The following ADGRB3 variants were observed in gnomAD, a reference collection of about 807,000 sequenced individuals.
ADGRB3 encodes the protein adhesion G protein-coupled receptor B3.
Under a neutral mutation model 193.4 loss-of-function variants are expected in ADGRB3, and 37 were observed. That is an observed-to-expected ratio of 0.19 (90% CI 0.15 to 0.25). ADGRB3 has a LOEUF of 0.25. ADGRB3 is among the 10% of genes least tolerant of loss of function. ADGRB3 has a pLI of 1.00. For missense variants in ADGRB3, 1,637 were observed against 1,852.9 expected (o/e 0.88, Z 2.14); for synonymous variants, 690 against 644.2 (o/e 1.07, Z -1.08).
intron 11 of ADGRB3, among the ~76,000 whole-genome samples, chr6:69,004,124 A>G (rs1424994994): frequency 6.6e-6 from 1 of 152,208 alleles, no homozygotes. Context: ...ATTATCAAAT[A>G]TTCTACTGTT....
At chr6:68,924,587 T>C (rs1478461195) in intron 3 of ADGRB3, among the ~76,000 whole-genome samples, 1 of 152,060 alleles carries the variant, frequency 6.6e-6, no homozygotes, top group Admixed American at 6.5e-5. Flanking sequence ...TTAACTTTTC[T>C]ATAAACATAT....
intron 17 of ADGRB3, among the ~76,000 whole-genome samples, chr6:69,170,396 C>T (rs981717466): frequency 2.0e-5 from 3 of 152,124 alleles, no homozygotes; most frequent in Non-Finnish European, 4.4e-5. Flanking sequence ...TCAAAGCTTT[C>T]TTGGCCCTTG....
In ADGRB3 at chr6:68,639,425, C is replaced by A. The variant is rs766791431; in HGVS notation, c.750C>A (p.Pro250=). The change falls in exon 3 of 32, where the codon CCC becomes CCA. Residue 250 remains proline, a synonymous_variant. Transcript: ENST00000370598. The stretch of plus-strand genomic sequence containing the variant: ...TTACCAGGGAGGCCAAGCGACCACC[C>A]AAAGAAGGTAAGTGCCAAAGAGAGG... ...CNLTREAKRP[P]KEEFGMMGDH... 8 of 1,603,842 alleles carry A rather than the reference C, an allele frequency of 5.0e-6. No individual in the cohort carries two copies. The East Asian group carries it at 1.8e-4, about 36-fold the overall frequency.
chr6:69,286,345 C>A (rs1767551009), intron 20 of ADGRB3, among the ~76,000 whole-genome samples: 1 of 152,144 alleles, frequency 6.6e-6, no homozygotes, highest in Admixed American at 6.5e-5. Context: ...TCCTTTCCAA[C>A]TTTTCCATCC....
chr6:69,058,122 G>T (rs867735243), intron 15 of ADGRB3, among the ~76,000 whole-genome samples: 2 of 151,294 alleles, frequency 1.3e-5, no homozygotes, highest in Admixed American at 6.6e-5. Flanking sequence ...ACTAGTTATG[G>T]GTCTATTCAG....
intron 16 of ADGRB3, among the ~76,000 whole-genome samples, chr6:69,063,982 T>A (rs949257820): frequency 6.6e-6 from 1 of 151,688 alleles, no homozygotes; most frequent in Admixed American, 6.6e-5. Flanking sequence ...TTCTTTACAT[T>A]GAAAAAAAAA....
intron 3 of ADGRB3, among the ~76,000 whole-genome samples, chr6:68,641,670 C>T (rs1484144941): frequency 2.0e-5 from 3 of 152,070 alleles, no homozygotes; most frequent in African/African-American, 7.2e-5. Flanking sequence ...TAAGTAATTA[C>T]TGATGACACA....
Position 68,891,951 on chromosome 6 carries a change from T to C in ADGRB3, c.758-38608T>C, listed in dbSNP as rs115306107. On this transcript the variant is annotated intron_variant, in intron 3 of 31. Transcript: ENST00000370598. ...TGGGTGATCTGCTAGAGCAGCACTG[T>C]TCAGGAATATGTCCCTGCACTGATG... Among the ~76,000 whole-genome samples the C allele has an allele frequency of 2.9e-3, 439 of 152,292 alleles. 4 individuals are homozygous for C. The highest frequency in any genetic ancestry group is 9.0e-3 in the African/African-American group (376 of 41,564).
At position 68,783,138 on chromosome 6, in the gene ADGRB3, C is replaced by T. The variant is rs1017085100; in HGVS notation, c.757+143706C>T. 5.3e-5 allele frequency among the ~76,000 whole-genome samples: 8 copies of T among 151,216 alleles called. No homozygotes were observed. In the South Asian group the frequency reaches 6.3e-4, roughly 12 times the overall value. On this transcript the variant is annotated intron_variant, in intron 3 of 31. Transcript: ENST00000370598. ...AGTTTATTATTTAACCCTCTGAGTC[C>T]GGTTTGTTACTCCTATTTTACAGAT...
chr6:68,776,925 C>T (rs1164587847), intron 3 of ADGRB3, among the ~76,000 whole-genome samples: 4 of 152,108 alleles, frequency 2.6e-5, no homozygotes, highest in Non-Finnish European at 2.9e-5. Context: ...AAGCTCTTTA[C>T]AGATCTTTAA....
At chr6:68,999,551 A>G (rs1769503492) in intron 11 of ADGRB3, among the ~76,000 whole-genome samples, 1 of 152,210 alleles carries the variant, frequency 6.6e-6, no homozygotes, top group Admixed American at 6.5e-5. Flanking sequence ...GGCGTGAGCC[A>G]CTGCGCCCAG....
chr6:68,713,516 CT>C (rs1357502071), intron 3 of ADGRB3, among the ~76,000 whole-genome samples: 1 of 151,840 alleles, frequency 6.6e-6, no homozygotes, highest in East Asian at 1.9e-4. Flanking sequence ...CCCTTTCTGA[CT>C]ATACATTGCT....
In ADGRB3 at chr6:69,264,405, T is replaced by C. The variant is rs145816998; in HGVS notation, c.2814+25179T>C. ...AATCTATTCTTTCTAATTCCTCCTC[T>C]GGTTTTATTACCCTGTCTTCTTAGC... On this transcript the variant is annotated intron_variant, in intron 20 of 31. Coordinates refer to ENST00000370598, the MANE Select transcript of ADGRB3 (RefSeq NM_001704.3). Among the ~76,000 whole-genome samples, 479 of 152,094 alleles carry C rather than the reference T, an allele frequency of 3.1e-3. 1 individual carries two copies. The highest frequency in any genetic ancestry group is 0.011 in the African/African-American group (452 of 41,556).
At chr6:68,875,113 CCTTTCTTTCCTT>C (rs1256857318) in intron 3 of ADGRB3, among the ~76,000 whole-genome samples, 2 of 114,614 alleles carry the variant, frequency 1.7e-5, no homozygotes, top group Non-Finnish European at 3.8e-5. Context: ...TTCCTTCCTT[CCTTTCTTTCCTT>C]CTTTCTTTCT....
chr6:68,845,005 G>A (rs1454732415), intron 3 of ADGRB3, among the ~76,000 whole-genome samples: 1 of 152,038 alleles, frequency 6.6e-6, no homozygotes, highest in Non-Finnish European at 1.5e-5. Flanking sequence ...AAGTGGAGAT[G>A]GCTAATGCAT....
In ADGRB3 at chr6:68,636,477, T is replaced by TAAATAAAA. The variant is rs1554162486; in HGVS notation, c.-188+480_-188+481insTAAAAAAA. ...ATAAATAAATAAATAAATAAATAAATAAAACATCCTTGACACCTCCGTGGC... is the reference window on the plus strand; with the variant it reads ...ATAAATAAATAAATAAATAAATAAATAAATAAAAAAAACATCCTTGACACCTCCGTGGC... On this transcript the variant is annotated intron_variant, in intron 1 of 31. Coordinates refer to ENST00000370598, the MANE Select transcript of ADGRB3 (RefSeq NM_001704.3). 1.7e-3 allele frequency among the ~76,000 whole-genome samples: 248 copies of TAAATAAAA among 144,736 alleles called. 2 individuals are homozygous for TAAATAAAA. The highest frequency in any genetic ancestry group is 5.2e-3 in the African/African-American group (206 of 39,542). The allele number at this position is 144,736 out of a possible 152,430, so 95.0% of individuals were successfully genotyped here.
At position 68,818,173 on chromosome 6, in the gene ADGRB3, T is replaced by A. The variant is rs373778589; in HGVS notation, c.758-112386T>A. 3.9e-5 allele frequency among the ~76,000 whole-genome samples: 6 copies of A among 152,194 alleles called. No homozygotes were observed. In the East Asian group the frequency reaches 7.7e-4, roughly 20 times the overall value. On this transcript the variant is annotated intron_variant, in intron 3 of 31. Coordinates refer to ENST00000370598, the MANE Select transcript of ADGRB3 (RefSeq NM_001704.3). Reference sequence around the variant, plus strand: ...TAGAGCAGAAAGAATGTAAACCACATGCATGGTTCTATGTGCGCACCGCCT... The same window carrying A: ...TAGAGCAGAAAGAATGTAAACCACAAGCATGGTTCTATGTGCGCACCGCCT...
chr6:69,141,747 T>C (rs1774347863), intron 17 of ADGRB3, among the ~76,000 whole-genome samples: 1 of 152,168 alleles, frequency 6.6e-6, no homozygotes, highest in Admixed American at 6.5e-5. Context: ...TTAACTGATG[T>C]CATGGGGGAA....
At chr6:69,184,112 TC>T (rs1765014906) in intron 17 of ADGRB3, among the ~76,000 whole-genome samples, 1 of 152,112 alleles carries the variant, frequency 6.6e-6, no homozygotes, top group African/African-American at 2.4e-5. Flanking sequence ...TGTTTGTCTA[TC>T]CAAAAAAGAA....
Sources: gnomAD v4.1 joint callset for allele counts (sites outside exome capture counted in the v4.1 genomes callset) on GRCh38, gnomAD v4.1.1 for gene constraint, MANE v1.5 for transcripts, NCBI Gene and HGNC (gene_info 2026-07-23, HGNC 2026-07-21) for gene names.